CPQ: variants seen among roughly 807,000 people sequenced by gnomAD.
CPQ encodes the protein carboxypeptidase Q.
In CPQ, 37 loss-of-function variants were observed where a neutral mutation model predicts 45.7. That is an observed-to-expected ratio of 0.81 (90% CI 0.62 to 1.07). The LOEUF (loss-of-function observed/expected upper bound fraction) is 1.07. Ranked by LOEUF, CPQ falls within the 50% of genes least tolerant of loss-of-function variation. CPQ has a pLI of 0.00. For synonymous variants in CPQ, 186 were observed against 205.8 expected, an observed-to-expected ratio of 0.90 and a Z score of 0.82; for missense variants, 537 against 572.9, an observed-to-expected ratio of 0.94 and a Z score of 0.64.
chr8:96,746,081 A>G (rs893284753), intron 1 of CPQ, among the ~76,000 whole-genome samples: 40 of 152,100 alleles, frequency 2.6e-4, no homozygotes, highest in Middle Eastern at 3.2e-3. Context: ...TCCTTAACTC[A>G]CTGCAGTGTT....
intron 2 of CPQ, among the ~76,000 whole-genome samples, chr8:96,802,873 G>A (rs1413380128): frequency 6.6e-6 from 1 of 151,960 alleles, no homozygotes; most frequent in Non-Finnish European, 1.5e-5. Flanking sequence ...AGATTTTTTT[G>A]AGCTTACCCT....
intron 3 of CPQ, among the ~76,000 whole-genome samples, chr8:96,841,493 T>A (rs1811608210): frequency 6.6e-6 from 1 of 152,232 alleles, no homozygotes; most frequent in South Asian, 2.1e-4. Context: ...ATACATTTTT[T>A]CCTAGTTATT....
At chr8:96,944,232 GA>G (rs1484657943) in intron 4 of CPQ, among the ~76,000 whole-genome samples, 1 of 152,068 alleles carries the variant, frequency 6.6e-6, no homozygotes, top group African/African-American at 2.4e-5. Flanking sequence ...CACCAGCCAA[GA>G]TTCCAAAAGT....
intron 1 of CPQ, among the ~76,000 whole-genome samples, chr8:96,700,749 A>G (rs915894677): frequency 1.3e-5 from 2 of 152,092 alleles, no homozygotes; most frequent in African/African-American, 4.8e-5. Context: ...TACAGCCTGG[A>G]AGCTGGAGGA....
chr8:96,703,038 T>C (rs903606886), intron 1 of CPQ, among the ~76,000 whole-genome samples: 1 of 152,182 alleles, frequency 6.6e-6, no homozygotes, highest in Non-Finnish European at 1.5e-5. Flanking sequence ...AATAGATAGA[T>C]ATTAAATATG....
At chr8:96,735,425 A>G (rs1183769708) in intron 1 of CPQ, among the ~76,000 whole-genome samples, 2 of 152,242 alleles carry the variant, frequency 1.3e-5, no homozygotes, top group Non-Finnish European at 2.9e-5. Context: ...TTTCATTGTG[A>G]AGATTTTAGA....
chr8:96,682,838 A>T (rs1358413962), intron 1 of CPQ, among the ~76,000 whole-genome samples: 1 of 152,206 alleles, frequency 6.6e-6, no homozygotes, highest in African/African-American at 2.4e-5. Context: ...GTGTCCTTAC[A>T]GATGAGATGA....
chr8:96,859,773 G>T (rs1426677000), intron 3 of CPQ, among the ~76,000 whole-genome samples: 2 of 152,034 alleles, frequency 1.3e-5, no homozygotes, highest in African/African-American at 4.8e-5. Context: ...TTCTTTCATT[G>T]CATGATGTCT....
chr8:97,009,061 C>T (rs537187608), intron 5 of CPQ, among the ~76,000 whole-genome samples: 10 of 152,334 alleles, frequency 6.6e-5, no homozygotes, highest in African/African-American at 2.4e-4. Context: ...CTTTGGATCC[C>T]ATCTCGTCCT....
intron 4 of CPQ, among the ~76,000 whole-genome samples, chr8:96,885,053 G>A (rs543918046): frequency 2.0e-5 from 3 of 152,260 alleles, no homozygotes; most frequent in African/African-American, 7.2e-5. Context: ...TGCTGCTATT[G>A]AAGAATATCA....
intron 3 of CPQ, among the ~76,000 whole-genome samples, chr8:96,842,952 T>C (rs1171125314): frequency 6.6e-6 from 1 of 152,232 alleles, no homozygotes; most frequent in Non-Finnish European, 1.5e-5. Flanking sequence ...TTGCCCAGGC[T>C]GCAGTGCAAA....
Position 96,926,110 on chromosome 8 carries a change from C to T in CPQ, c.850-39825C>T, listed in dbSNP as rs192734858. Among the ~76,000 whole-genome samples, 208 of 152,342 alleles carry T rather than the reference C, an allele frequency of 1.4e-3. 2 individuals are homozygous for T. The highest frequency in any genetic ancestry group is 1.0e-2 in the Admixed American group (153 of 15,302). On this transcript the variant is annotated intron_variant, in intron 4 of 7. Transcript: ENST00000220763. ...TAGGAAACCTCGATATTAAAAGCCA[C>T]CTCTTAAGGACAGTTGTAATTGGCC...
At chr8:97,021,977 C>G (rs1317618883) in intron 5 of CPQ, among the ~76,000 whole-genome samples, 2 of 152,110 alleles carry the variant, frequency 1.3e-5, no homozygotes. Flanking sequence ...TACCTGATTA[C>G]AAACCATATT....
At chr8:96,706,732 TA>T (rs1809535066) in intron 1 of CPQ, among the ~76,000 whole-genome samples, 1 of 152,186 alleles carries the variant, frequency 6.6e-6, no homozygotes, top group African/African-American at 2.4e-5. Flanking sequence ...GTACTGTGAA[TA>T]AAATCCAGAA....
At chr8:96,659,748 G>A (rs780146503) in intron 1 of CPQ, among the ~76,000 whole-genome samples, 2 of 152,088 alleles carry the variant, frequency 1.3e-5, no homozygotes, top group Non-Finnish European at 2.9e-5. Context: ...GCTCATAGTC[G>A]GGGAGATTGC....
chr8:97,127,631 G>T (rs563967129), intron 7 of CPQ, among the ~76,000 whole-genome samples: 1 of 152,296 alleles, frequency 6.6e-6, no homozygotes, highest in South Asian at 2.1e-4. Flanking sequence ...GAAGGCTGCA[G>T]TAAGCCGAGA....
At chr8:97,112,883 C>T (rs556946005) in intron 7 of CPQ, among the ~76,000 whole-genome samples, 163 of 152,324 alleles carry the variant, frequency 1.1e-3, no homozygotes, top group African/African-American at 3.8e-3. Context: ...AATCGTAGCA[C>T]ACCCACAGAA....
Position 96,904,160 on chromosome 8 carries a change from T to G in CPQ, c.849+24155T>G, listed in dbSNP as rs140912271. ...TACTTGATACTTTCTTTGATAGATG[T>G]CTTTAGGGGAGCCAACTTTTCTTTA... On this transcript the variant is annotated intron_variant, in intron 4 of 7. Transcript: ENST00000220763. 8.8e-3 allele frequency among the ~76,000 whole-genome samples: 1,347 copies of G among 152,286 alleles called. 14 individuals carry two copies. Among genetic ancestry groups the G allele is most frequent in the Middle Eastern group, 0.088 (26 of 294 alleles).
At chr8:96,883,848 C>T (rs1382842599) in intron 4 of CPQ, among the ~76,000 whole-genome samples, 2 of 152,204 alleles carry the variant, frequency 1.3e-5, no homozygotes, top group African/African-American at 4.8e-5. Flanking sequence ...GCACTCTGTT[C>T]ACTCTATTTC....
Sources: gnomAD v4.1 joint callset for allele counts (sites outside exome capture counted in the v4.1 genomes callset) on GRCh38, gnomAD v4.1.1 for gene constraint, MANE v1.5 for transcripts, NCBI Gene and HGNC (gene_info 2026-07-23, HGNC 2026-07-21) for gene names.